The following ARHGEF3 variants were observed in gnomAD, a reference collection of about 807,000 sequenced individuals.
ARHGEF3 encodes 59.8 kDA protein.
Under a neutral mutation model 63.2 loss-of-function variants are expected in ARHGEF3, and 28 were observed. The observed-to-expected ratio is 0.44, with a 90% confidence interval of 0.33 to 0.61. ARHGEF3 has a LOEUF of 0.61. ARHGEF3 is among the 20% of genes least tolerant of loss of function. The pLI is 0.03. For missense variants in ARHGEF3, 533 were observed against 659.3 expected, an observed-to-expected ratio of 0.81 and a Z score of 2.10; for synonymous variants, 266 against 254.2, an observed-to-expected ratio of 1.05 and a Z score of -0.44.
chr3:57,011,352 A>G (rs1256082261), intron 2 of ARHGEF3, among the ~76,000 whole-genome samples: 1 of 152,238 alleles, frequency 6.6e-6, no homozygotes, highest in Non-Finnish European at 1.5e-5. Flanking sequence ...TGATGACAGC[A>G]ATCCAAGTTG....
chr3:56,862,883 A>AT (rs2040126881), intron 4 of ARHGEF3, among the ~76,000 whole-genome samples: 1 of 152,180 alleles, frequency 6.6e-6, no homozygotes, highest in African/African-American at 2.4e-5. Flanking sequence ...ATTCATTAGA[A>AT]TTCTTACATT....
chr3:56,886,851 A>G (rs550198811), intron 3 of ARHGEF3, among the ~76,000 whole-genome samples: 18 of 152,270 alleles, frequency 1.2e-4, no homozygotes, highest in Admixed American at 7.2e-4. Context: ...TTTCATGATT[A>G]GCAAGTGGCA....
chr3:56,750,115 G>A (rs567796287), intron 6 of ARHGEF3, among the ~76,000 whole-genome samples: 2 of 152,324 alleles, frequency 1.3e-5, no homozygotes, highest in African/African-American at 2.4e-5. Context: ...GCAACAGAGT[G>A]ATGAGAGACC....
At chr3:56,732,634 C>T (rs1434741847) in intron 8 of ARHGEF3, among the ~76,000 whole-genome samples, 1 of 152,068 alleles carries the variant, frequency 6.6e-6, no homozygotes, top group Non-Finnish European at 1.5e-5. Context: ...AAGCACCTCC[C>T]TAGGGACTCA....
At chr3:57,017,057 C>CAA (rs1313872631) in intron 2 of ARHGEF3, among the ~76,000 whole-genome samples, 1 of 151,344 alleles carries the variant, frequency 6.6e-6, no homozygotes, top group Non-Finnish European at 1.5e-5. Flanking sequence ...CACACACACA[C>CAA]ACACACACGA....
At chr3:56,994,667 T>G (rs75905529) in intron 2 of ARHGEF3, among the ~76,000 whole-genome samples, 2,243 of 152,280 alleles carry the variant, frequency 0.015, 31 homozygotes, top group Middle Eastern at 0.034. Flanking sequence ...AATCTTTTCA[T>G]ATTTTTCTCA....
At chr3:56,997,572 G>A (rs1325392633) in intron 2 of ARHGEF3, among the ~76,000 whole-genome samples, 1 of 152,018 alleles carries the variant, frequency 6.6e-6, no homozygotes, top group Admixed American at 6.5e-5. Flanking sequence ...CATAAACAGG[G>A]CTGACTCCGC....
chr3:57,048,678 G>A lies in ARHGEF3; in HGVS notation c.-27-13502C>T, dbSNP rs9311639. Among the ~76,000 whole-genome samples, 40 of 152,230 alleles carry A rather than the reference G, an allele frequency of 2.6e-4. 1 individual carries two copies. Among genetic ancestry groups the A allele is most frequent in the Middle Eastern group, 6.8e-3 (2 of 294 alleles). On this transcript the variant is annotated intron_variant, in intron 1 of 12. Transcript: ENST00000338458. ...GGAGAATGAGACCACAAACCAAAGCGAATTGGGGACACAGGCCCCCAAACT... is the reference window on the plus strand; with the variant it reads ...GGAGAATGAGACCACAAACCAAAGCAAATTGGGGACACAGGCCCCCAAACT...
intron 1 of ARHGEF3, among the ~76,000 whole-genome samples, chr3:57,046,336 C>T (rs966744702): frequency 5.9e-5 from 9 of 152,294 alleles, no homozygotes; most frequent in Admixed American, 3.3e-4. Context: ...GTCTGACTCC[C>T]GGGTCCAGAC....
chr3:57,058,957 G>A (rs142346408), intron 1 of ARHGEF3, among the ~76,000 whole-genome samples: 15,137 of 141,054 alleles, frequency 0.11, 1,011 homozygotes, highest in East Asian at 0.29. Context: ...ACACATGGAC[G>A]TAAGAAGGGG....
chr3:56,747,163 C>T (rs953997331), intron 6 of ARHGEF3, among the ~76,000 whole-genome samples: 5 of 152,186 alleles, frequency 3.3e-5, no homozygotes, highest in African/African-American at 4.8e-5. Flanking sequence ...GCCTCAGGCC[C>T]TCTTCATTTA....
chr3:57,059,493 T>C (rs1039950657), intron 1 of ARHGEF3, among the ~76,000 whole-genome samples: 2 of 103,874 alleles, frequency 1.9e-5, no homozygotes, highest in South Asian at 3.7e-4. Context: ...TTCTTCCCCG[T>C]GTGTGTATGA....
rs1312854056 is a variant in ARHGEF3 at position 56,741,652 on chromosome 3, T to C, written c.870+3553A>G. On this transcript the variant is annotated intron_variant, in intron 7 of 9. Transcript: ENST00000296315. ...CCAAGTAGCTGGGACTACAGGCGCC[T>C]GCCACCACGCCCAGCTAATTTTTTG... is the stretch of plus-strand genomic sequence containing the variant. 2.0e-5 allele frequency among the ~76,000 whole-genome samples: 3 copies of C among 151,752 alleles called. No individual in the cohort carries two copies. The South Asian group carries it at 6.3e-4, about 32-fold the overall frequency.
chr3:56,938,399 G>C (rs938907935), intron 3 of ARHGEF3, among the ~76,000 whole-genome samples: 15 of 152,202 alleles, frequency 9.9e-5, no homozygotes, highest in African/African-American at 3.6e-4. Context: ...GAATAAGTTT[G>C]TAAGACTTAT....
chr3:56,845,425 A>G (rs971605617), intron 4 of ARHGEF3, among the ~76,000 whole-genome samples: 1 of 152,212 alleles, frequency 6.6e-6, no homozygotes, highest in Non-Finnish European at 1.5e-5. Flanking sequence ...GCCTGGTCTC[A>G]CCAGCAATGA....
intron 1 of ARHGEF3, among the ~76,000 whole-genome samples, chr3:57,042,663 TATATATATATA>T (rs1704238471): frequency 1.8e-4 from 1 of 5,438 alleles, no homozygotes; most frequent in African/African-American, 5.9e-4. Flanking sequence ...TATATATATA[TATATATATATA>T]TATATATATA....
intron 3 of ARHGEF3, among the ~76,000 whole-genome samples, chr3:56,927,483 T>G (rs896233623): frequency 6.6e-6 from 1 of 152,066 alleles, no homozygotes. Flanking sequence ...CATAAACTTA[T>G]ATTTTAAATA....
intron 3 of ARHGEF3, among the ~76,000 whole-genome samples, chr3:56,895,082 A>ACCTC (rs200390166): frequency 4.0e-5 from 6 of 151,306 alleles, no homozygotes; most frequent in South Asian, 4.2e-4. Flanking sequence ...GGGGCCCTCT[A>ACCTC]CCTCCCTCCC....
intron 2 of ARHGEF3, among the ~76,000 whole-genome samples, chr3:57,015,600 ATT>A (rs11290143): frequency 9.1e-4 from 118 of 129,212 alleles, no homozygotes; most frequent in Admixed American, 1.5e-3. Context: ...CGCCCTGCTA[ATT>A]TTTTTTTTTT....
Sources: gnomAD v4.1 joint callset for allele counts (sites outside exome capture counted in the v4.1 genomes callset) on GRCh38, gnomAD v4.1.1 for gene constraint, MANE v1.5 for transcripts, NCBI Gene and HGNC (gene_info 2026-07-23, HGNC 2026-07-21) for gene names.